The following IGSF21 variants were observed in gnomAD, a reference collection of about 807,000 sequenced individuals.
The protein encoded by IGSF21 is immunoglobin superfamily member 21, also known as immunoglobulin superfamily member 21.
IGSF21 carries 28 observed loss-of-function variants against 46.8 expected under a neutral mutation model. The observed-to-expected ratio is 0.60, with a 90% CI of 0.44 to 0.82. The LOEUF is 0.82. Among genes scored for constraint, IGSF21 ranks in the 40% least tolerant of loss-of-function variants. The probability of loss-of-function intolerance (pLI) is 0.00; values close to 1 mark genes in which losing one functional copy is unlikely to be tolerated. For synonymous variants in IGSF21, 284 were observed against 273.6 expected, an observed-to-expected ratio of 1.04 and a Z score of -0.38; for missense variants, 624 against 665.5, an observed-to-expected ratio of 0.94 and a Z score of 0.69.
At chr1:18,358,079 G>T (rs577132493) in intron 4 of IGSF21, among the ~76,000 whole-genome samples, 1 of 152,148 alleles carries the variant, frequency 6.6e-6, no homozygotes, top group East Asian at 1.9e-4. Flanking sequence ...GTTTAGGGGG[G>T]TGAAGGGTGT....
chr1:18,355,526 G>C (rs2086006723), intron 4 of IGSF21, among the ~76,000 whole-genome samples: 1 of 152,098 alleles, frequency 6.6e-6, no homozygotes. Flanking sequence ...AGCTGTGTTA[G>C]ATGGGAAGCC....
At chr1:18,169,285 G>C (rs1227861602) in intron 1 of IGSF21, among the ~76,000 whole-genome samples, 1 of 152,264 alleles carries the variant, frequency 6.6e-6, no homozygotes, top group Non-Finnish European at 1.5e-5. Context: ...GTCAGGTCCT[G>C]AGGGTGGAGG....
At chr1:18,135,504 A>T (rs1163015015) in intron 1 of IGSF21, among the ~76,000 whole-genome samples, 2 of 150,120 alleles carry the variant, frequency 1.3e-5, no homozygotes, top group Middle Eastern at 3.5e-3. Context: ...GAGTGAGAAC[A>T]TGCGGTGTTT....
chr1:18,334,150 T>C lies in IGSF21; in HGVS notation c.306-742T>C, dbSNP rs2085741901. Among the ~76,000 whole-genome samples, 1 of 152,126 alleles carries C rather than the reference T, an allele frequency of 6.6e-6. No homozygotes were observed. The highest frequency in any genetic ancestry group is 1.5e-5 in the Non-Finnish European group (1 of 68,018). ...AGGGGGTCTCTCCCATCCTTAGGGA[T>C]CACCTCTTCTGAGACACCCTCCCAA... On this transcript the variant is annotated intron_variant, in intron 3 of 9. Coordinates refer to ENST00000251296, the MANE Select transcript of IGSF21 (RefSeq NM_032880.5). The surrounding 1 kb of genome is among the most constrained non-coding windows in gnomAD (Gnocchi z 4.3).
chr1:18,195,896 T>A (rs1237922530), intron 1 of IGSF21, among the ~76,000 whole-genome samples: 2 of 152,154 alleles, frequency 1.3e-5, no homozygotes, highest in Non-Finnish European at 2.9e-5. Context: ...TGGTCCAGAC[T>A]ATGGTATGGG....
intron 2 of IGSF21, among the ~76,000 whole-genome samples, chr1:18,276,419 T>A (rs2085103448): frequency 6.6e-6 from 1 of 152,178 alleles, no homozygotes; most frequent in African/African-American, 2.4e-5. Context: ...AGGATGTACT[T>A]GTTCCCAGAG....
chr1:18,278,688 G>C (rs2085128706), intron 2 of IGSF21, among the ~76,000 whole-genome samples: 1 of 151,358 alleles, frequency 6.6e-6, no homozygotes, highest in South Asian at 2.1e-4. Flanking sequence ...TGAGTAGCTG[G>C]GACTACAGGC....
intron 1 of IGSF21, among the ~76,000 whole-genome samples, chr1:18,133,029 C>G (rs1278736790): frequency 6.6e-6 from 1 of 152,118 alleles, no homozygotes; most frequent in African/African-American, 2.4e-5. Context: ...CATTCTCTCT[C>G]CCTCTAGATG....
At chr1:18,120,849 T>C (rs544809659) in intron 1 of IGSF21, among the ~76,000 whole-genome samples, 31 of 152,304 alleles carry the variant, frequency 2.0e-4, no homozygotes, top group African/African-American at 6.7e-4. Flanking sequence ...CAGGCTGGTA[T>C]TGACCTTTGC....
chr1:18,213,099 A>G (rs1000964248), intron 1 of IGSF21, among the ~76,000 whole-genome samples: 2 of 152,216 alleles, frequency 1.3e-5, no homozygotes, highest in Admixed American at 6.5e-5. Flanking sequence ...TTTCAATTCC[A>G]GATCCTTAAG....
At chr1:18,297,846 G>A (rs974143348) in intron 3 of IGSF21, among the ~76,000 whole-genome samples, 26 of 151,554 alleles carry the variant, frequency 1.7e-4, no homozygotes, top group African/African-American at 5.8e-4. Context: ...TTTGGTCCAC[G>A]GTTGGTTGGA....
In IGSF21 at chr1:18,376,964, C is replaced by T. The variant is rs151094752; in HGVS notation, c.1266C>T (p.Thr422=). The T allele has an allele frequency of 2.8e-4, 440 of 1,597,962 alleles. 1 individual carries two copies. Among genetic ancestry groups the T allele is most frequent in the South Asian group, 1.5e-3 (139 of 90,474 alleles). ...CCGCCCAGAACCCACTGGGCTCCAC[C>T]GACACGCACACCCGGCTCATCGTGT... ...RCTAQNPLGS[T]DTHTRLIVFE... Residue 422 remains threonine (T), a synonymous_variant, in exon 8 of 10, where the codon ACC becomes ACT. Coordinates refer to ENST00000251296, the MANE Select transcript of IGSF21 (RefSeq NM_032880.5).
At chr1:18,146,365 G>T (rs1019411711) in intron 1 of IGSF21, among the ~76,000 whole-genome samples, 3 of 152,100 alleles carry the variant, frequency 2.0e-5, no homozygotes, top group African/African-American at 7.2e-5. Context: ...CAGTATGGAG[G>T]TGGGGCAACG....
chr1:18,236,925 C>G (rs1557600844), intron 2 of IGSF21, among the ~76,000 whole-genome samples: 1 of 152,156 alleles, frequency 6.6e-6, no homozygotes, highest in African/African-American at 2.4e-5. Flanking sequence ...TAATGCCTAG[C>G]TAGAGTGGGC....
intron 1 of IGSF21, among the ~76,000 whole-genome samples, chr1:18,215,278 A>G (rs182554309): frequency 3.3e-5 from 5 of 152,322 alleles, no homozygotes; most frequent in African/African-American, 4.8e-5. Flanking sequence ...CATTCATTCA[A>G]TGTGTCCTCA....
intron 3 of IGSF21, among the ~76,000 whole-genome samples, chr1:18,305,066 G>A (rs1408402132): frequency 6.6e-6 from 1 of 152,174 alleles, no homozygotes; most frequent in East Asian, 1.9e-4. Context: ...AGGATGATCG[G>A]GAAGGTCTGG....
At chr1:18,257,914 C>T (rs2084906994) in intron 2 of IGSF21, among the ~76,000 whole-genome samples, 1 of 152,188 alleles carries the variant, frequency 6.6e-6, no homozygotes, top group Non-Finnish European at 1.5e-5. Context: ...GCCCCGTGGG[C>T]AAGGGGCCCC....
intron 3 of IGSF21, among the ~76,000 whole-genome samples, chr1:18,310,315 G>A (rs1484480170): frequency 6.6e-6 from 1 of 152,188 alleles, no homozygotes; most frequent in Non-Finnish European, 1.5e-5. Context: ...CTTCCACCAA[G>A]AGGGAGGTGC....
intron 1 of IGSF21, among the ~76,000 whole-genome samples, chr1:18,121,538 C>T (rs1160945412): frequency 1.3e-5 from 2 of 152,134 alleles, no homozygotes; most frequent in African/African-American, 2.4e-5. Flanking sequence ...GCTGAAATTG[C>T]CGTGACAAAT....
Sources: allele counts gnomAD v4.1 joint callset (sites outside exome capture counted in the v4.1 genomes callset), GRCh38; gene constraint gnomAD v4.1.1; non-coding constraint Gnocchi (gnomAD v3.1); transcripts MANE v1.5; gene names NCBI Gene and HGNC (gene_info 2026-07-23, HGNC 2026-07-21).